Variants in RYR1 observed in about 807,000 individuals in gnomAD.
The protein encoded by RYR1 is central core disease of muscle.
In RYR1, 342 loss-of-function variants were observed where a neutral mutation model predicts 583.5. That is an observed-to-expected ratio of 0.59 (90% CI 0.54 to 0.64). RYR1 has a LOEUF of 0.64. Ranked by LOEUF, RYR1 falls within the 30% of genes least tolerant of loss-of-function variation. The pLI, the probability that RYR1 is intolerant of heterozygous loss-of-function variation, is 0.00. For missense variants in RYR1, 6,032 were observed against 6,917.2 expected, an observed-to-expected ratio of 0.87 and a Z score of 4.54; for synonymous variants, 2,791 against 2,822.5, an observed-to-expected ratio of 0.99 and a Z score of 0.35.
intron 89 of RYR1, among the ~76,000 whole-genome samples, chr19:38,551,652 C>T (rs1399247709): frequency 6.6e-6 from 1 of 152,116 alleles, no homozygotes. Flanking sequence ...TCATCAGTGA[C>T]CTCTTTACCT....
chr19:38,500,567 C>A lies in RYR1; in HGVS notation c.7324-39C>A, dbSNP rs367587186. 1 of 1,610,820 alleles carries A rather than the reference C, an allele frequency of 6.2e-7. No individual in the cohort carries two copies. Among genetic ancestry groups the A allele is most frequent in the Admixed American group, 1.7e-5 (1 of 59,992 alleles). ...GAGCAGTCACTGAGTGGGGCACCAG[C>A]GCCTGATGAGTGCCCCTCTCCCTCC... On this transcript the variant is annotated intron_variant, in intron 45 of 105. Coordinates refer to ENST00000359596, the MANE Select transcript of RYR1 (RefSeq NM_000540.3). This position sits in a 1 kb window ranked among gnomAD's most constrained non-coding sequence, Gnocchi z 5.9.
chr19:38,585,859 C>T, intron 102 of RYR1, 79 bp from the exon 103 acceptor site: 1 of 1,549,624 alleles, frequency 6.5e-7, no homozygotes, highest in Non-Finnish European at 8.9e-7. Flanking sequence ...GAGGGCAAGC[C>T]CTGGAGGTAG....
Position 38,469,444 on chromosome 19 carries a change from A to G in RYR1, c.3696A>G (p.Pro1232=). The G allele has an allele frequency of 1.1e-5, 17 of 1,614,098 alleles. No individual in the cohort carries two copies. The highest frequency in any genetic ancestry group is 1.4e-5 in the Non-Finnish European group (17 of 1,179,952). The change falls in exon 27 of 106, where the codon CCA becomes CCG. Residue 1232 remains proline (P), a synonymous_variant. Transcript: ENST00000359596. ...CATTTGCCATCAACATGCAGCGCCC[A>G]GTCACCACCTGGTTCAGCAAAGGCC... is the stretch of plus-strand genomic sequence containing the variant. ...FEPFAINMQR[P]VTTWFSKGLP...
chr19:38,539,623 A>T (rs1972119321), intron 84 of RYR1, among the ~76,000 whole-genome samples: 1 of 152,162 alleles, frequency 6.6e-6, no homozygotes, highest in African/African-American at 2.4e-5. Flanking sequence ...AGGAATATGA[A>T]GTTTTGAAAA....
chr19:38,566,175 G>C (rs1599637632), intron 91 of RYR1, among the ~76,000 whole-genome samples: 2 of 151,926 alleles, frequency 1.3e-5, no homozygotes, highest in African/African-American at 4.8e-5. Flanking sequence ...TAAGCCAGGC[G>C]CGGTGGCTTA....
chr19:38,528,656 A>C lies in RYR1; in HGVS notation c.10995A>C (p.Glu3665Asp). 6.2e-7 allele frequency: 1 copy of C among 1,614,162 alleles called. No individual in the cohort carries two copies. The highest frequency in any genetic ancestry group is 8.5e-7 in the Non-Finnish European group (1 of 1,180,030). The part of the protein sequence containing the change: ...ESYKAAWILT[E>D]DHSFEDRMID... ...ACAAGGCTGCATGGATCCTGACTGA[A>C]GACCACAGTTTTGAGGACCGCATGA... is the stretch of plus-strand genomic sequence containing the variant. The change falls in exon 75 of 106, where the codon GAA becomes GAC. Residue 3665 changes from glutamate to aspartate, a missense_variant. By Grantham distance (45) the Glu-to-Asp change is conservative. Around this residue, in one of 11 missense-constraint regions of RYR1, gnomAD observed 1,493 missense variants for 1,715.5 expected, o/e 0.87. Coordinates refer to ENST00000359596, the MANE Select transcript of RYR1 (RefSeq NM_000540.3).
Position 38,448,790 on chromosome 19 carries a change from C to T in RYR1, c.1099C>T (p.Arg367Trp), listed in dbSNP as rs140037232. The change falls in exon 11 of 106, where the codon CGG (arginine) becomes TGG (tryptophan). Residue 367 changes from arginine to tryptophan, a missense_variant. Physicochemically the swap from Arg to Trp is moderately radical, Grantham distance 101 (BLOSUM62 -3). Coordinates refer to ENST00000359596, the MANE Select transcript of RYR1 (RefSeq NM_000540.3). ...TGCTGCTCCAGACCCCAAGGCCCTG[C>T]GGCTCGGCGTGCTCAAGAAGAAGGT... The part of the protein sequence containing the change: ...TYAAPDPKAL[R>W]LGVLKKKAML... The T allele has an allele frequency of 2.5e-5, 40 of 1,614,076 alleles. No homozygotes were observed. Among genetic ancestry groups the T allele is most frequent in the African/African-American group, 5.3e-5 (4 of 75,040 alleles).
intron 99 of RYR1, among the ~76,000 whole-genome samples, chr19:38,578,652 ATGGCAGCAGG>A (rs1432735195): frequency 6.6e-6 from 1 of 151,890 alleles, no homozygotes; most frequent in Non-Finnish European, 1.5e-5. Flanking sequence ...GGCACTGGGC[ATGGCAGCAGG>A]TGCCTGTAAT....
At chr19:38,493,197 C>T (rs1490113764) in intron 38 of RYR1, among the ~76,000 whole-genome samples, 2 of 152,134 alleles carry the variant, frequency 1.3e-5, no homozygotes, top group African/African-American at 4.8e-5. Flanking sequence ...TAAGGGATGG[C>T]GGTAACCCTG....
At chr19:38,510,166 C>T (rs954572812) in intron 58 of RYR1, among the ~76,000 whole-genome samples, 1 of 151,980 alleles carries the variant, frequency 6.6e-6, no homozygotes, top group East Asian at 1.9e-4. Context: ...ACTAAAAATA[C>T]AAAAATTAGC....
chr19:38,475,565 C>T (rs1968679941), intron 29 of RYR1, 115 bp downstream of exon 29: 1 of 1,251,162 alleles, frequency 8.0e-7, no homozygotes, highest in African/African-American at 1.5e-5. Context: ...TGGGGACTCC[C>T]CAATATACAC....
chr19:38,457,998 C>T (rs1486292726), intron 17 of RYR1, 53 bp from the exon 18 acceptor site: 1 of 1,595,666 alleles, frequency 6.3e-7, no homozygotes, highest in Non-Finnish European at 8.6e-7. Flanking sequence ...CACCACTTGG[C>T]TCTCCTCTCT....
At chr19:38,438,578 G>C (rs566933978) in intron 1 of RYR1, among the ~76,000 whole-genome samples, 1 of 148,628 alleles carries the variant, frequency 6.7e-6, no homozygotes, top group South Asian at 2.1e-4. Context: ...AACTTTTGTA[G>C]AGATGGGGGT....
At chr19:38,530,677 C>G (rs1600943982) in intron 76 of RYR1, among the ~76,000 whole-genome samples, 1 of 152,306 alleles carries the variant, frequency 6.6e-6, no homozygotes, top group African/African-American at 2.4e-5. Context: ...GCTTTCTGCT[C>G]TGCCCTTCTT....
intron 22 of RYR1, among the ~76,000 whole-genome samples, chr19:38,464,302 AAAAAAAAG>A (rs1967969444): frequency 7.3e-6 from 1 of 137,184 alleles, no homozygotes; most frequent in Non-Finnish European, 1.6e-5. Flanking sequence ...AAAAAAAAAA[AAAAAAAAG>A]AAGCAAACGG....
intron 33 of RYR1, among the ~76,000 whole-genome samples, chr19:38,485,021 G>A (rs534221758): frequency 6.6e-6 from 1 of 151,940 alleles, no homozygotes; most frequent in African/African-American, 2.4e-5. Context: ...GCTAGGTGTG[G>A]TTTTAGGTGC....
intron 87 of RYR1, among the ~76,000 whole-genome samples, chr19:38,545,051 C>A (rs528787385): frequency 1.3e-5 from 2 of 151,902 alleles, no homozygotes; most frequent in African/African-American, 2.4e-5. Flanking sequence ...GGGAAGAGAT[C>A]TCCTCTTTCC....
chr19:38,524,609 G>T (rs1041697547), intron 70 of RYR1, among the ~76,000 whole-genome samples: 1 of 152,230 alleles, frequency 6.6e-6, no homozygotes, highest in Admixed American at 6.5e-5. Flanking sequence ...CCCTGGCCCC[G>T]GGTCTGCACC....
At chr19:38,457,465 C>T (rs758348961) in intron 16 of RYR1, 32 bp from the exon 17 acceptor site, 77 of 1,613,998 alleles carry the variant, frequency 4.8e-5, no homozygotes, top group Non-Finnish European at 6.2e-5. Context: ...CTGGTGCCTA[C>T]ACACCCTTTA....
Sources: gnomAD v4.1 joint callset for allele counts (sites outside exome capture counted in the v4.1 genomes callset) on GRCh38, gnomAD v4.1.1 for gene constraint, gnomAD v4.1.1 regional missense constraint, Gnocchi (gnomAD v3.1) non-coding constraint, MANE v1.5 for transcripts, NCBI Gene and HGNC (gene_info 2026-07-23, HGNC 2026-07-21) for gene names.